ABCD2: variants seen among roughly 807,000 people sequenced by gnomAD.
ABCD2 encodes ATP binding cassette subfamily D member 2.
Under a neutral mutation model 70.9 loss-of-function variants are expected in ABCD2, and 36 were observed. That is an observed-to-expected ratio of 0.51 (90% CI 0.39 to 0.67). ABCD2 has a LOEUF of 0.67. Among genes scored for constraint, ABCD2 ranks in the 30% least tolerant of loss-of-function variants. The pLI is 0.00. For synonymous variants in ABCD2, 304 were observed against 306.9 expected (o/e 0.99, Z 0.10); for missense variants, 729 against 890.2 (o/e 0.82, Z 2.30).
intron 6 of ABCD2, among the ~76,000 whole-genome samples, chr12:39,595,282 G>A (rs901728611): frequency 2.0e-5 from 3 of 152,082 alleles, no homozygotes; most frequent in Non-Finnish European, 2.9e-5. Flanking sequence ...ATCTGAAAAT[G>A]AGAGGCAGTG....
chr12:39,600,262 C>T (rs780717350), intron 6 of ABCD2, among the ~76,000 whole-genome samples: 5 of 152,106 alleles, frequency 3.3e-5, no homozygotes, highest in Admixed American at 6.5e-5. Flanking sequence ...AAGAAATAAT[C>T]TGACATCTCA....
chr12:39,552,724 T>C lies in ABCD2; in HGVS notation c.*1188A>G, dbSNP rs529548212. ...CTTAATTTTCATTTCTTGTAAACAA[T>C]AACCAAATAACAATAAGACTAACAT... On this transcript the variant is annotated 3_prime_UTR_variant, in exon 10 of 10. Coordinates refer to ENST00000308666, the MANE Select transcript of ABCD2 (RefSeq NM_005164.4). The C allele has an allele frequency of 5.5e-4, 83 of 152,070 alleles. No individual in the cohort carries two copies. Among genetic ancestry groups the C allele is most frequent in the African/African-American group, 1.9e-3 (79 of 41,532 alleles). The allele number at this position is 152,070 out of a possible 1,614,324, so 9.4% of individuals were successfully genotyped here.
intron 9 of ABCD2, among the ~76,000 whole-genome samples, chr12:39,572,361 A>G (rs1941459521): frequency 6.6e-6 from 1 of 152,186 alleles, no homozygotes; most frequent in East Asian, 1.9e-4. Flanking sequence ...CTTGATTCAG[A>G]GGATTTACAG....
the ABCD2 span, among the ~76,000 whole-genome samples, chr12:39,531,594 T>A: frequency 1.3e-5 from 2 of 152,238 alleles, no homozygotes; most frequent in African/African-American, 4.8e-5. Flanking sequence ...TGGCTGGACT[T>A]CACGGATCAG....
chr12:39,572,253 C>G (rs919303090), intron 9 of ABCD2, among the ~76,000 whole-genome samples: 3 of 152,102 alleles, frequency 2.0e-5, no homozygotes, highest in African/African-American at 7.2e-5. Context: ...AACTCCAAGC[C>G]TAATATGTCC....
chr12:39,560,595 G>A (rs147835944), intron 9 of ABCD2, among the ~76,000 whole-genome samples: 92 of 152,184 alleles, frequency 6.0e-4, no homozygotes, highest in African/African-American at 2.1e-3. Context: ...GAAGGGTAAA[G>A]GTTGTGTTTT....
intron 9 of ABCD2, among the ~76,000 whole-genome samples, chr12:39,571,526 A>C (rs550378878): frequency 7.2e-5 from 11 of 152,248 alleles, no homozygotes; most frequent in African/African-American, 2.2e-4. Flanking sequence ...TTGGGCAAAC[A>C]CCACCTTCGA....
At chr12:39,607,337 C>T (rs951066859) in intron 3 of ABCD2, among the ~76,000 whole-genome samples, 6 of 151,940 alleles carry the variant, frequency 3.9e-5, no homozygotes, top group Admixed American at 6.6e-5. Context: ...AGAGTTCATA[C>T]CTAAGGGTTT....
At chr12:39,616,941 G>T (rs753035952) in intron 2 of ABCD2, 47 bp downstream of exon 2, 44 of 1,504,522 alleles carry the variant, frequency 2.9e-5, no homozygotes, top group East Asian at 4.7e-5. Context: ...AACTTCAAAA[G>T]AAATAATGTT....
chr12:39,538,727 C>T, the ABCD2 span, among the ~76,000 whole-genome samples: 2 of 152,134 alleles, frequency 1.3e-5, no homozygotes, highest in African/African-American at 4.8e-5. Context: ...AGTCCCAAGG[C>T]GCAAGGCTAC....
intron 9 of ABCD2, among the ~76,000 whole-genome samples, chr12:39,564,815 A>G (rs1941318407): frequency 6.6e-6 from 1 of 152,162 alleles, no homozygotes; most frequent in Non-Finnish European, 1.5e-5. Context: ...TATAAGGTGT[A>G]AGGAAGGGAT....
intron 9 of ABCD2, among the ~76,000 whole-genome samples, chr12:39,567,516 A>G (rs137875262): frequency 0.05 from 7,557 of 152,136 alleles, 284 homozygotes; most frequent in African/African-American, 0.1. Context: ...TTTTGAGCCT[A>G]TGTGTGTCTC....
intron 7 of ABCD2, among the ~76,000 whole-genome samples, chr12:39,583,624 T>G: frequency 6.6e-6 from 1 of 152,176 alleles, no homozygotes; most frequent in East Asian, 1.9e-4. Context: ...ATCCAGGTAT[T>G]AAGCCCAGTA....
chr12:39,604,836 A>T lies in ABCD2; in HGVS notation c.1331T>A (p.Ile444Asn). 6.2e-7 allele frequency: 1 copy of T among 1,612,622 alleles called. No individual in the cohort carries two copies. Among genetic ancestry groups the T allele is most frequent in the South Asian group, 1.1e-5 (1 of 90,956 alleles). The change falls in exon 4 of 10, where the codon ATT becomes AAT. Residue 444 changes from isoleucine to asparagine, a missense_variant. By Grantham distance (149) the Ile-to-Asn change is moderately radical (BLOSUM62 -3). Around this residue, in one of 3 missense-constraint regions of ABCD2, gnomAD observed 195 missense variants for 300.2 expected, o/e 0.65. Coordinates refer to ENST00000308666, the MANE Select transcript of ABCD2 (RefSeq NM_005164.4). ...KRGIYKRTAV[I>N]QESESHSKNG... The stretch of plus-strand genomic sequence containing the variant: ...CTTGCTATGGCTTTCAGATTCTTGA[A>T]TGACAGCAGTTCTCTTATAAATGCC...
chr12:39,615,743 G>A (rs1343499776), intron 2 of ABCD2, among the ~76,000 whole-genome samples: 1 of 151,904 alleles, frequency 6.6e-6, no homozygotes, highest in African/African-American at 2.4e-5. Flanking sequence ...TTAAAACATT[G>A]AAGCACTGTT....
intron 9 of ABCD2, among the ~76,000 whole-genome samples, chr12:39,569,788 TC>T (rs1941420855): frequency 6.6e-6 from 1 of 152,208 alleles, no homozygotes; most frequent in Non-Finnish European, 1.5e-5. Context: ...GATAACATGT[TC>T]TTATCCTTCA....
intron 2 of ABCD2, among the ~76,000 whole-genome samples, chr12:39,616,088 C>T (rs1399572062): frequency 2.0e-5 from 3 of 152,042 alleles, no homozygotes; most frequent in South Asian, 2.1e-4. Context: ...AGAGGATACA[C>T]GTAGGAAGAG....
chr12:39,619,570 T>G lies in ABCD2; in HGVS notation c.46A>C (p.Arg16=). The G allele has an allele frequency of 6.2e-7, 1 of 1,611,210 alleles. No individual in the cohort carries two copies. The highest frequency in any genetic ancestry group is 1.1e-5 in the South Asian group (1 of 91,080). ...NAAADRVKWT[R]SSAAKRAACL... ...GCAGCCCTCTTAGCAGCACTCGATC[T>G]GGTCCATTTCACTCGATCAGCTGCT... The change falls in exon 1 of 10, where the codon AGA becomes CGA. Residue 16 remains arginine, a synonymous_variant. Coordinates refer to ENST00000308666, the MANE Select transcript of ABCD2 (RefSeq NM_005164.4).
intron 9 of ABCD2, among the ~76,000 whole-genome samples, chr12:39,561,529 A>G (rs1021491162): frequency 1.3e-5 from 2 of 152,224 alleles, no homozygotes; most frequent in Non-Finnish European, 2.9e-5. Flanking sequence ...TATCCAAATG[A>G]AAACTAAAAG....
Sources: allele counts gnomAD v4.1 joint callset (sites outside exome capture counted in the v4.1 genomes callset), GRCh38; gene constraint gnomAD v4.1.1; regional missense constraint gnomAD v4.1.1; transcripts MANE v1.5; gene names NCBI Gene and HGNC (gene_info 2026-07-23, HGNC 2026-07-21).